OR10K1: variants seen among roughly 807,000 people sequenced by gnomAD.
OR10K1 encodes olfactory receptor family 10 subfamily K member 1.
For missense variants in OR10K1, 404 were observed against 373.3 expected (o/e 1.08, Z -0.68); for synonymous variants, 186 against 152.5 (o/e 1.22, Z -1.62).
rs16840201 is a variant in OR10K1 at position 158,465,326 on chromosome 1, A to G, written c.-156-80A>G. On this transcript the variant is annotated intron_variant, in intron 1 of 1. Coordinates refer to ENST00000641535, the MANE Select transcript of OR10K1 (RefSeq NM_001004473.2). ...TTCCTAATCCTTGGTCAGAGAGATA[A>G]CCTGTTCTTCACATTAGAGAAGGCC... 9.0e-4 allele frequency: 509 copies of G among 563,010 alleles called. 4 individuals carry two copies. The highest frequency in any genetic ancestry group is 6.8e-3 in the African/African-American group (365 of 53,444). The allele number at this position is 563,010 out of a possible 1,614,324, so 34.9% of individuals were successfully genotyped here. A position where few individuals can be genotyped will look rare whatever the true frequency, so the allele number is the denominator to read the frequency against.
Position 158,466,368 on chromosome 1 carries a change from C to A in OR10K1, c.807C>A (p.Ser269Arg), listed in dbSNP as rs140201324. ...YLRPKTNYTS[S>R]QDTLISVSYT... ...GGCCCAAGACTAATTACACTTCAAG[C>A]CAAGACACCCTAATATCTGTGTCAT... Residue 269 changes from serine (S) to arginine (R), a missense_variant, in exon 2 of 2, where the codon AGC becomes AGA. Ser to Arg is a moderately radical substitution (Grantham distance 110). Transcript: ENST00000641535. 87 of 1,613,726 alleles carry A rather than the reference C, an allele frequency of 5.4e-5. No homozygotes were observed. Among genetic ancestry groups the A allele is most frequent in the Non-Finnish European group, 7.1e-5 (84 of 1,179,742 alleles).
At position 158,466,541 on chromosome 1, in the gene OR10K1, C is replaced by A; in HGVS notation, c.*38C>A. The A allele has an allele frequency of 8.0e-7, 1 of 1,250,818 alleles. No individual in the cohort carries two copies. The highest frequency in any genetic ancestry group is 1.2e-6 in the Non-Finnish European group (1 of 862,018). 77.5% of individuals were successfully genotyped at this position (1,250,818 alleles called of 1,614,324 possible). Reference sequence around the variant, plus strand: ...TAAACTACTAATGCCTAGTACATGCCAGGCAGAACGTGTGTTTTATACATT... The same window carrying A: ...TAAACTACTAATGCCTAGTACATGCAAGGCAGAACGTGTGTTTTATACATT... On this transcript the variant is annotated 3_prime_UTR_variant, in exon 2 of 2. Coordinates refer to ENST00000641535, the MANE Select transcript of OR10K1 (RefSeq NM_001004473.2).
chr1:158,463,180 G>A (rs1328819215), intron 1 of OR10K1, among the ~76,000 whole-genome samples: 1 of 151,704 alleles, frequency 6.6e-6, no homozygotes, highest in Non-Finnish European at 1.5e-5. Flanking sequence ...CAGAAGACTA[G>A]ACCTGAAACC....
chr1:158,465,506 T>G lies in OR10K1; in HGVS notation c.-56T>G. The G allele has an allele frequency of 7.2e-7, 1 of 1,386,494 alleles. No homozygotes were observed. Among genetic ancestry groups the G allele is most frequent in the Non-Finnish European group, 1.0e-6 (1 of 997,110 alleles). The allele number at this position is 1,386,494 out of a possible 1,614,324, so 85.9% of individuals were successfully genotyped here. A position where few individuals can be genotyped will look rare whatever the true frequency, so the allele number is the denominator to read the frequency against. On this transcript the variant is annotated 5_prime_UTR_variant, in exon 2 of 2. Transcript: ENST00000641535. ...ATTTCCCGTACATTTCCACTCTCCT[T>G]TCTGGATCCTGGTTTCTACCTCTGT...
At chr1:158,463,161 C>T (rs1655961461) in intron 1 of OR10K1, among the ~76,000 whole-genome samples, 1 of 151,948 alleles carries the variant, frequency 6.6e-6, no homozygotes, top group African/African-American at 2.4e-5. Flanking sequence ...TATACTTCAT[C>T]TAAAGTCACA....
chr1:158,465,492 A>G lies in OR10K1; in HGVS notation c.-70A>G. On this transcript the variant is annotated 5_prime_UTR_variant, in exon 2 of 2. Coordinates refer to ENST00000641535, the MANE Select transcript of OR10K1 (RefSeq NM_001004473.2). Reference sequence around the variant, plus strand: ...AAACTTTGTGTGAAATTTCCCGTACATTTCCACTCTCCTTTCTGGATCCTG... The same window carrying G: ...AAACTTTGTGTGAAATTTCCCGTACGTTTCCACTCTCCTTTCTGGATCCTG... 2 of 1,243,332 alleles carry G rather than the reference A, an allele frequency of 1.6e-6. No individual in the cohort carries two copies. The highest frequency in any genetic ancestry group is 2.3e-6 in the Non-Finnish European group (2 of 881,730). 77.0% of individuals were successfully genotyped at this position (1,243,332 alleles called of 1,614,324 possible). A position where few individuals can be genotyped will look rare whatever the true frequency, so the allele number is the denominator to read the frequency against.
Position 158,466,418 on chromosome 1 carries a change from ATCCAATGATT to A in OR10K1, c.859_868del (p.Pro287IlefsTer3). On this transcript the variant is annotated frameshift_variant, in exon 2 of 2. Coordinates refer to ENST00000641535, the MANE Select transcript of OR10K1 (RefSeq NM_001004473.2). LOFTEE classifies it low-confidence loss of function (END_TRUNC). Reference sequence around the variant, plus strand: ...TACACCATCCTTACCCCATTGTTCAATCCAATGATTTATAGTCTGAGAAATAAGGAATTCA... The same window carrying A: ...TACACCATCCTTACCCCATTGTTCAATATAGTCTGAGAAATAAGGAATTCA... 4 of 1,613,914 alleles carry A rather than the reference ATCCAATGATT, an allele frequency of 2.5e-6. No homozygotes were observed. Among genetic ancestry groups the A allele is most frequent in the Non-Finnish European group, 3.4e-6 (4 of 1,179,908 alleles).
At position 158,466,410 on chromosome 1, in the gene OR10K1, A is replaced by G. The variant is rs375044803; in HGVS notation, c.849A>G (p.Pro283=). 6.8e-6 allele frequency: 11 copies of G among 1,613,720 alleles called. No individual in the cohort carries two copies. Among genetic ancestry groups the G allele is most frequent in the African/African-American group, 1.3e-5 (1 of 74,888 alleles). The change falls in exon 2 of 2, where the codon CCA becomes CCG. Residue 283 remains proline (P), a synonymous_variant. Transcript: ENST00000641535. ...LISVSYTILT[P]LFNPMIYSLR... ...CTGTGTCATACACCATCCTTACCCC[A>G]TTGTTCAATCCAATGATTTATAGTC...
At chr1:158,464,154 A>G (rs1655985055) in intron 1 of OR10K1, among the ~76,000 whole-genome samples, 1 of 152,246 alleles carries the variant, frequency 6.6e-6, no homozygotes, top group African/African-American at 2.4e-5. Flanking sequence ...TAGTAACTTC[A>G]GAAGTATATA....
At position 158,466,717 on chromosome 1, in the gene OR10K1, C is replaced by G. The variant is rs951230960; in HGVS notation, c.*214C>G. 1.1e-5 allele frequency: 6 copies of G among 537,226 alleles called. No individual in the cohort carries two copies. The highest frequency in any genetic ancestry group is 2.0e-5 in the Non-Finnish European group (6 of 306,820). 33.3% of individuals were successfully genotyped at this position (537,226 alleles called of 1,614,324 possible). A position where few individuals can be genotyped will look rare whatever the true frequency, so the allele number is the denominator to read the frequency against. ...AGATATGGGAACAGAGCACACAGTT[C>G]CATAACAAATTTAATTATATTTTAC... On this transcript the variant is annotated 3_prime_UTR_variant, in exon 2 of 2. Coordinates refer to ENST00000641535, the MANE Select transcript of OR10K1 (RefSeq NM_001004473.2).
chr1:158,462,374 C>CTTTCTTCCTTTCTTCCTTAT lies in OR10K1; in HGVS notation c.-157+472_-157+473insTCTTCCTTTCTTCCTTATTT, dbSNP rs1172927280. ...TTTATTTTCTTTTTTCTTTTCCTTC[C>CTTTCTTCCTTTCTTCCTTAT]TTCCTTCCTTTCTTCCTTACTTCCT... On this transcript the variant is annotated intron_variant, in intron 1 of 1. Coordinates refer to ENST00000641535, the MANE Select transcript of OR10K1 (RefSeq NM_001004473.2). Among the ~76,000 whole-genome samples, 971 of 150,936 alleles carry CTTTCTTCCTTTCTTCCTTAT rather than the reference C, an allele frequency of 6.4e-3. 12 individuals are homozygous for CTTTCTTCCTTTCTTCCTTAT. Among genetic ancestry groups the CTTTCTTCCTTTCTTCCTTAT allele is most frequent in the African/African-American group, 0.023 (926 of 41,086 alleles).
rs756139938 is a variant in OR10K1 at position 158,466,029 on chromosome 1, C to G, written c.468C>G (p.Ser156=). 2.3e-5 allele frequency: 37 copies of G among 1,613,988 alleles called. No individual in the cohort carries two copies. Among genetic ancestry groups the G allele is most frequent in the Non-Finnish European group, 3.0e-5 (35 of 1,180,026 alleles). ...AAACACGFTV[S]LVTTSLVFHL... is the part of the protein sequence containing the mutation. Reference sequence around the variant, plus strand: ...CCTGTGCCTGTGGCTTCACTGTCTCCCTGGTCACCACCTCCCTAGTATTTC... The same window carrying G: ...CCTGTGCCTGTGGCTTCACTGTCTCGCTGGTCACCACCTCCCTAGTATTTC... The change falls in exon 2 of 2, where the codon TCC becomes TCG. Residue 156 remains serine, a synonymous_variant. Coordinates refer to ENST00000641535, the MANE Select transcript of OR10K1 (RefSeq NM_001004473.2).
At chr1:158,463,411 G>A (rs9651045) in intron 1 of OR10K1, among the ~76,000 whole-genome samples, 6,169 of 152,114 alleles carry the variant, frequency 0.041, 395 homozygotes, top group African/African-American at 0.14. Context: ...CAATTATATC[G>A]ATCACATGAT....
At position 158,466,089 on chromosome 1, in the gene OR10K1, CT is replaced by C. The variant is rs753016441; in HGVS notation, c.530del (p.Phe177SerfsTer39). 4.3e-6 allele frequency: 7 copies of C among 1,614,052 alleles called. No homozygotes were observed. In the South Asian group the frequency reaches 7.7e-5, roughly 18 times the overall value. Reference sequence around the variant, plus strand: ...TCCACTCCTCCAACCAGCTCCATCACTTCTTCTGTGACATCTCCCCTGTCCT... The same window carrying C: ...TCCACTCCTCCAACCAGCTCCATCACTCTTCTGTGACATCTCCCCTGTCCT... ...PFHSSNQLHH[F>X]FCDISPVLKL... On this transcript the variant is annotated frameshift_variant, in exon 2 of 2. Transcript: ENST00000641535. LOFTEE classifies it low-confidence loss of function (END_TRUNC).
chr1:158,465,277 T>G (rs1656009892), intron 1 of OR10K1, 129 bp from the exon 2 acceptor site: 1 of 461,148 alleles, frequency 2.2e-6, no homozygotes. Context: ...CTCTGTTACA[T>G]AAGAAGGAAA....
rs1656048685 is a variant in OR10K1 at position 158,466,560 on chromosome 1, A to G, written c.*57A>G. The G allele has an allele frequency of 5.6e-6, 6 of 1,078,802 alleles. No homozygotes were observed. The highest frequency in any genetic ancestry group is 8.1e-6 in the Non-Finnish European group (6 of 737,190). 66.8% of individuals were successfully genotyped at this position (1,078,802 alleles called of 1,614,324 possible). The stretch of plus-strand genomic sequence containing the variant: ...ACATGCCAGGCAGAACGTGTGTTTT[A>G]TACATTTTTTTTCATTTAATTGTCC... On this transcript the variant is annotated 3_prime_UTR_variant, in exon 2 of 2. Coordinates refer to ENST00000641535, the MANE Select transcript of OR10K1 (RefSeq NM_001004473.2).
At chr1:158,463,496 G>GA (rs1468998789) in intron 1 of OR10K1, among the ~76,000 whole-genome samples, 7 of 152,184 alleles carry the variant, frequency 4.6e-5, no homozygotes, top group Non-Finnish European at 1.0e-4. Flanking sequence ...TCATGTGCCT[G>GA]AGCAAAAAAT....
intron 1 of OR10K1, among the ~76,000 whole-genome samples, chr1:158,462,272 T>C (rs972888746): frequency 8.1e-6 from 1 of 123,908 alleles, no homozygotes; most frequent in Non-Finnish European, 1.8e-5. Flanking sequence ...AGAGTGAGAC[T>C]CCTTCTGAAA....
intron 1 of OR10K1, among the ~76,000 whole-genome samples, chr1:158,464,658 T>C (rs1571285106): frequency 6.6e-6 from 1 of 152,154 alleles, no homozygotes; most frequent in East Asian, 1.9e-4. Context: ...ATTTTATTTA[T>C]TTATTTTTGA....
Sources: allele counts gnomAD v4.1 joint callset (sites outside exome capture counted in the v4.1 genomes callset), GRCh38; gene constraint gnomAD v4.1.1; transcripts MANE v1.5; gene names NCBI Gene and HGNC (gene_info 2026-07-23, HGNC 2026-07-21).